CCDC178: variants seen among roughly 807,000 people sequenced by gnomAD.
The protein encoded by CCDC178 is coiled-coil domain containing 178, also known as coiled-coil domain-containing protein 178.
A neutral mutation model predicts 117.4 loss-of-function variants in CCDC178; 126 were observed. The observed-to-expected ratio is 1.07, with a 90% confidence interval of 0.93 to 1.24. CCDC178 has a LOEUF of 1.24. Ranked by LOEUF, CCDC178 falls within the 50% of genes most tolerant of loss-of-function variation. The pLI is 0.00. For missense variants in CCDC178, 1,030 were observed against 986.9 expected (o/e 1.04, Z -0.59); for synonymous variants, 283 against 313.4 (o/e 0.90, Z 1.02).
intron 11 of CCDC178, among the ~76,000 whole-genome samples, chr18:33,306,251 C>T (rs533862517): frequency 1.3e-4 from 20 of 152,006 alleles, no homozygotes; most frequent in African/African-American, 4.8e-4. Flanking sequence ...ACTTTTGGTC[C>T]ACAGCCTTCC....
At chr18:33,104,884 C>T (rs754734194) in intron 20 of CCDC178, among the ~76,000 whole-genome samples, 3 of 151,572 alleles carry the variant, frequency 2.0e-5, no homozygotes, top group African/African-American at 7.3e-5. Context: ...GACATTTTAG[C>T]CTGGTAGGGA....
At chr18:32,977,433 T>C (rs1388436223) in intron 21 of CCDC178, among the ~76,000 whole-genome samples, 2 of 152,148 alleles carry the variant, frequency 1.3e-5, no homozygotes, top group Admixed American at 6.5e-5. Flanking sequence ...TGTTAGACAT[T>C]AGTAAGAAGT....
chr18:33,253,306 T>C (rs2059638094), intron 14 of CCDC178, among the ~76,000 whole-genome samples: 1 of 151,830 alleles, frequency 6.6e-6, no homozygotes, highest in African/African-American at 2.4e-5. Context: ...CAGTATACCA[T>C]ATATTGCAGT....
At chr18:33,113,587 C>G in intron 20 of CCDC178, among the ~76,000 whole-genome samples, 1 of 151,940 alleles carries the variant, frequency 6.6e-6, no homozygotes, top group East Asian at 1.9e-4. Context: ...TGCAATTACT[C>G]TGTTTAGGAT....
chr18:32,962,543 T>C (rs1189034809), intron 22 of CCDC178, among the ~76,000 whole-genome samples: 1 of 152,114 alleles, frequency 6.6e-6, no homozygotes, highest in African/African-American at 2.4e-5. Flanking sequence ...GGGCTGATTG[T>C]TTTTGTATTT....
In CCDC178 at chr18:33,237,726, C is replaced by T. The variant is rs139725319; in HGVS notation, c.1593+7519G>A. Among the ~76,000 whole-genome samples the T allele has an allele frequency of 1.6e-3, 237 of 152,198 alleles. 3 individuals are homozygous for T. Among genetic ancestry groups the T allele is most frequent in the Admixed American group, 0.011 (164 of 15,300 alleles). ...GGCCCCACAGGCCACCCCTGGCAGA[C>T]ATGCCTCTAGGTTGGCCAAGTGGCT... On this transcript the variant is annotated intron_variant, in intron 15 of 22. Transcript: ENST00000383096.
chr18:33,387,830 G>A (rs2144815171), intron 5 of CCDC178, among the ~76,000 whole-genome samples: 1 of 152,228 alleles, frequency 6.6e-6, no homozygotes, highest in East Asian at 1.9e-4. Flanking sequence ...ATTGCCAAAA[G>A]CATTTGAAAC....
chr18:33,151,101 A>G (rs1361928720), intron 20 of CCDC178, among the ~76,000 whole-genome samples: 4 of 152,144 alleles, frequency 2.6e-5, no homozygotes, highest in Non-Finnish European at 5.9e-5. Flanking sequence ...GGGAGGCTGG[A>G]AGAGGGTGAG....
chr18:33,219,228 A>G (rs1374469040), intron 18 of CCDC178, among the ~76,000 whole-genome samples: 1 of 152,104 alleles, frequency 6.6e-6, no homozygotes, highest in Non-Finnish European at 1.5e-5. Flanking sequence ...ACAATGAGAT[A>G]CCATCTCACA....
intron 21 of CCDC178, among the ~76,000 whole-genome samples, chr18:33,045,040 T>C (rs1315792204): frequency 1.3e-5 from 2 of 151,988 alleles, no homozygotes; most frequent in Non-Finnish European, 2.9e-5. Flanking sequence ...AGTTGAAAAT[T>C]TACCTATTGA....
chr18:33,244,426 CAT>C (rs1281854128), intron 15 of CCDC178, among the ~76,000 whole-genome samples: 2 of 151,844 alleles, frequency 1.3e-5, no homozygotes, highest in Non-Finnish European at 2.9e-5. Context: ...ATAATCCCCA[CAT>C]GTCAAGGGTG....
At chr18:33,172,420 T>C (rs1036810197) in intron 20 of CCDC178, among the ~76,000 whole-genome samples, 6 of 151,994 alleles carry the variant, frequency 3.9e-5, no homozygotes, top group African/African-American at 1.4e-4. Flanking sequence ...AAATGTAAAA[T>C]ATATAATATG....
chr18:33,350,670 T>C (rs2062963139), intron 7 of CCDC178, among the ~76,000 whole-genome samples: 1 of 152,220 alleles, frequency 6.6e-6, no homozygotes, highest in Non-Finnish European at 1.5e-5. Context: ...TATCTATTAA[T>C]CCATTGATGG....
intron 7 of CCDC178, among the ~76,000 whole-genome samples, chr18:33,351,023 T>C (rs2062969915): frequency 6.6e-6 from 1 of 152,162 alleles, no homozygotes; most frequent in Non-Finnish European, 1.5e-5. Flanking sequence ...AAATATCCTT[T>C]ATTGTGTTTA....
At chr18:33,068,089 G>A (rs1232586306) in intron 21 of CCDC178, among the ~76,000 whole-genome samples, 1 of 151,916 alleles carries the variant, frequency 6.6e-6, no homozygotes, top group Non-Finnish European at 1.5e-5. Flanking sequence ...TGAATTCCTG[G>A]ACACATTCAA....
chr18:33,056,919 T>C (rs2056839893), intron 21 of CCDC178, among the ~76,000 whole-genome samples: 1 of 150,874 alleles, frequency 6.6e-6, no homozygotes. Flanking sequence ...TCATCTTTGA[T>C]GTTGGAATTG....
At chr18:33,216,055 T>A (rs901239430) in intron 18 of CCDC178, among the ~76,000 whole-genome samples, 1 of 151,934 alleles carries the variant, frequency 6.6e-6, no homozygotes, top group Non-Finnish European at 1.5e-5. Context: ...CCATGATTGC[T>A]CCACTGCACT....
At chr18:33,001,902 G>C (rs2055642356) in intron 21 of CCDC178, among the ~76,000 whole-genome samples, 2 of 152,092 alleles carry the variant, frequency 1.3e-5, no homozygotes, top group Non-Finnish European at 2.9e-5. Flanking sequence ...AGACAAAATG[G>C]ATTTCAGGCA....
At chr18:33,196,143 T>C (rs1467018019) in intron 20 of CCDC178, among the ~76,000 whole-genome samples, 2 of 152,174 alleles carry the variant, frequency 1.3e-5, no homozygotes, top group South Asian at 2.1e-4. Context: ...CAGTAACTGA[T>C]GCAATTACAA....
Sources: gnomAD v4.1 joint callset for allele counts (sites outside exome capture counted in the v4.1 genomes callset) on GRCh38, gnomAD v4.1.1 for gene constraint, MANE v1.5 for transcripts, NCBI Gene and HGNC (gene_info 2026-07-23, HGNC 2026-07-21) for gene names.